KDM4A: variants seen among roughly 807,000 people sequenced by gnomAD.
The protein encoded by KDM4A is lysine demethylase 4A.
Under a neutral mutation model 127.1 loss-of-function variants are expected in KDM4A, and 23 were observed. The observed-to-expected ratio is 0.18, with a 90% CI of 0.13 to 0.26. The LOEUF is 0.26. Ranked by LOEUF, KDM4A falls within the 10% of genes least tolerant of loss-of-function variation. The probability of loss-of-function intolerance (pLI) is 1.00; values close to 1 mark genes in which losing one functional copy is unlikely to be tolerated. For missense variants in KDM4A, 890 were observed against 1,329.1 expected, an observed-to-expected ratio of 0.67 and a Z score of 5.14; for synonymous variants, 443 against 466.5, an observed-to-expected ratio of 0.95 and a Z score of 0.65.
intron 11 of KDM4A, among the ~76,000 whole-genome samples, chr1:43,676,087 A>AT (rs1395664092): frequency 2.1e-4 from 25 of 121,210 alleles, no homozygotes; most frequent in African/African-American, 4.7e-4. Flanking sequence ...CCTCAAAAAG[A>AT]TAAAAAAAAA....
At chr1:43,686,363 TACTC>T (rs1490654004) in intron 12 of KDM4A, among the ~76,000 whole-genome samples, 4 of 131,632 alleles carry the variant, frequency 3.0e-5, no homozygotes, top group Non-Finnish European at 6.6e-5. Context: ...GACGGAGTCT[TACTC>T]ACTCTGTTGC....
chr1:43,700,930 T>TC (rs892766939), intron 19 of KDM4A, among the ~76,000 whole-genome samples: 2 of 151,284 alleles, frequency 1.3e-5, no homozygotes, highest in Admixed American at 1.3e-4. Context: ...AATTTAATTT[T>TC]TTTTTTTTTT....
Position 43,667,037 on chromosome 1 carries a change from G to A in KDM4A, c.861G>A (p.Glu287=). The A allele has an allele frequency of 6.2e-7, 1 of 1,614,170 alleles. No homozygotes were observed. Residue 287 remains glutamate, a synonymous_variant, in exon 8 of 22, where the codon GAG becomes GAA. Transcript: ENST00000372396. ...TTAACCATGGTTTTAACTGTGCGGAGTCTACCAATTTTGCTACCCGTCGGT... is the reference window on the plus strand; with the variant it reads ...TTAACCATGGTTTTAACTGTGCGGAATCTACCAATTTTGCTACCCGTCGGT... ...AGFNHGFNCA[E]STNFATRRWI...
At chr1:43,687,799 CTTTT>C (rs1661021338) in intron 12 of KDM4A, among the ~76,000 whole-genome samples, 1 of 152,116 alleles carries the variant, frequency 6.6e-6, no homozygotes, top group African/African-American at 2.4e-5. Flanking sequence ...TGTGAGCAAA[CTTTT>C]TTTGTTTTCC....
intron 4 of KDM4A, among the ~76,000 whole-genome samples, chr1:43,661,343 T>G (rs1384158176): frequency 6.6e-6 from 1 of 151,576 alleles, no homozygotes; most frequent in Non-Finnish European, 1.5e-5. Flanking sequence ...GTGTGGTGGC[T>G]CACATCTGTA....
rs1036047160 is a variant in KDM4A at position 43,675,130 on chromosome 1, C to G, written c.1734+3255C>G. 2.6e-5 allele frequency among the ~76,000 whole-genome samples: 4 copies of G among 152,330 alleles called. No individual in the cohort carries two copies. In the South Asian group the frequency reaches 8.3e-4, roughly 32 times the overall value. On this transcript the variant is annotated intron_variant, in intron 11 of 21. Coordinates refer to ENST00000372396, the MANE Select transcript of KDM4A (RefSeq NM_014663.3). The stretch of plus-strand genomic sequence containing the variant: ...TCAGGCCGAGCCTGATGATAATACC[C>G]TAATAAATAACCCTCTCTGCTCCAT...
At chr1:43,699,671 A>G (rs1365078271) in intron 19 of KDM4A, 1 of 152,130 alleles carries the variant, frequency 6.6e-6, no homozygotes, top group Non-Finnish European at 1.5e-5. Flanking sequence ...CTTTTCTAAA[A>G]CAAAAACAAA....
chr1:43,694,151 G>C lies in KDM4A; in HGVS notation c.2484+49G>C, dbSNP rs769976013. ...AATTTCCCGACTTACAAGTTTCTGG[G>C]TAGAAGAGAACAGGGACCTCCTGTA... On this transcript the variant is annotated intron_variant, in intron 17 of 21. Transcript: ENST00000372396. The surrounding 1 kb of genome is among the most constrained non-coding windows in gnomAD (Gnocchi z 5.2). 6.8e-7 allele frequency: 1 copy of C among 1,478,620 alleles called. No individual in the cohort carries two copies. Among genetic ancestry groups the C allele is most frequent in the South Asian group, 1.2e-5 (1 of 86,040 alleles). The allele number at this position is 1,478,620 out of a possible 1,614,324, so 91.6% of individuals were successfully genotyped here. A position where few individuals can be genotyped will look rare whatever the true frequency, so the allele number is the denominator to read the frequency against.
chr1:43,674,130 A>T (rs887476699), intron 11 of KDM4A, among the ~76,000 whole-genome samples: 1 of 152,014 alleles, frequency 6.6e-6, no homozygotes, highest in African/African-American at 2.4e-5. Flanking sequence ...TTTCGTAGAG[A>T]TGGGGTTTCA....
chr1:43,684,259 C>G (rs959604906), intron 12 of KDM4A, among the ~76,000 whole-genome samples: 5 of 152,172 alleles, frequency 3.3e-5, no homozygotes, highest in Non-Finnish European at 7.4e-5. Flanking sequence ...AATCCCAGCA[C>G]TTTGGAAAGC....
chr1:43,694,677 G>C lies in KDM4A; in HGVS notation c.2485-32G>C, dbSNP rs1348342758. The C allele has an allele frequency of 6.3e-7, 1 of 1,579,882 alleles. No homozygotes were observed. Among genetic ancestry groups the C allele is most frequent in the Admixed American group, 1.7e-5 (1 of 59,128 alleles). On this transcript the variant is annotated intron_variant, in intron 17 of 21. Coordinates refer to ENST00000372396, the MANE Select transcript of KDM4A (RefSeq NM_014663.3). The surrounding 1 kb of genome is among the most constrained non-coding windows in gnomAD (Gnocchi z 5.2). ...AGAGGAAGCTGCAGTGCCAGTTCCT[G>C]CAATCACTGGTTTTCTTCCCCTGTG...
At chr1:43,666,044 A>G (rs1200072844) in intron 6 of KDM4A, among the ~76,000 whole-genome samples, 1 of 152,186 alleles carries the variant, frequency 6.6e-6, no homozygotes, top group East Asian at 1.9e-4. Flanking sequence ...AAAAAATTGA[A>G]CTTTATGCTT....
intron 2 of KDM4A, chr1:43,653,541 GCTA>G (rs1660168010): frequency 2.6e-6 from 1 of 378,546 alleles, no homozygotes; most frequent in Non-Finnish European, 4.8e-6. Flanking sequence ...GAGGTAAAGA[GCTA>G]GTGTCTCCAG....
chr1:43,663,867 C>G (rs893988127), intron 5 of KDM4A, among the ~76,000 whole-genome samples: 1 of 152,058 alleles, frequency 6.6e-6, no homozygotes, highest in African/African-American at 2.4e-5. Flanking sequence ...CTCCTGGGCT[C>G]AAGCAGTCCT....
chr1:43,667,605 GT>G (rs1399213981), intron 8 of KDM4A, among the ~76,000 whole-genome samples, 166 bp from the exon 9 acceptor site: 1 of 152,150 alleles, frequency 6.6e-6, no homozygotes, highest in Non-Finnish European at 1.5e-5. Flanking sequence ...TTCCCTTCAT[GT>G]TTGAAGGTCC....
At chr1:43,685,592 CACCA>C (rs1406807234) in intron 12 of KDM4A, among the ~76,000 whole-genome samples, 29 of 152,002 alleles carry the variant, frequency 1.9e-4, no homozygotes, top group Admixed American at 1.3e-4. Context: ...CATGGTGAAA[CACCA>C]TCTCTACTAA....
intron 19 of KDM4A, chr1:43,703,394 ATT>A (rs570960378): frequency 0.016 from 5,155 of 314,988 alleles, no homozygotes; most frequent in East Asian, 0.022. Context: ...TTATAGCTGG[ATT>A]TTTTTTTTTT....
intron 3 of KDM4A, among the ~76,000 whole-genome samples, chr1:43,657,904 G>A (rs867000645): frequency 6.7e-6 from 1 of 150,230 alleles, no homozygotes; most frequent in Non-Finnish European, 1.5e-5. Context: ...CACCACGCCC[G>A]GCCAATTTTT....
rs184680116 is a variant in KDM4A at position 43,695,314 on chromosome 1, G to A, written c.2670+420G>A. Among the ~76,000 whole-genome samples, 150 of 152,314 alleles carry A rather than the reference G, an allele frequency of 9.8e-4. 1 individual carries two copies. The highest frequency in any genetic ancestry group is 2.3e-3 in the Admixed American group (35 of 15,300). ...TAGAGATTTCTGCAGTTCTCTTAATGGTAAAGCTTAGAGAAAAAGTGACAT... is the reference window on the plus strand; with the variant it reads ...TAGAGATTTCTGCAGTTCTCTTAATAGTAAAGCTTAGAGAAAAAGTGACAT... On this transcript the variant is annotated intron_variant, in intron 18 of 21. Transcript: ENST00000372396.
Sources: allele counts gnomAD v4.1 joint callset (sites outside exome capture counted in the v4.1 genomes callset), GRCh38; gene constraint gnomAD v4.1.1; non-coding constraint Gnocchi (gnomAD v3.1); transcripts MANE v1.5; gene names NCBI Gene and HGNC (gene_info 2026-07-23, HGNC 2026-07-21).